The following FBXW11 variants were observed in gnomAD, a reference collection of about 807,000 sequenced individuals.
The protein encoded by FBXW11 is F-box/WD repeat-containing protein 11.
A neutral mutation model predicts 77.6 loss-of-function variants in FBXW11; 19 were observed. The observed-to-expected ratio is 0.24, with a 90% CI of 0.17 to 0.36. FBXW11 has a LOEUF of 0.36. FBXW11 is among the 10% of genes least tolerant of loss of function. The probability of loss-of-function intolerance (pLI) is 1.00; values close to 1 mark genes in which losing one functional copy is unlikely to be tolerated. For synonymous variants in FBXW11, 235 were observed against 249.4 expected (o/e 0.94, Z 0.54); for missense variants, 334 against 704.2 (o/e 0.47, Z 5.95).
rs866120001 is a variant in FBXW11 at position 171,868,758 on chromosome 5, C to T, written c.1569G>A (p.Glu523=). The change falls in exon 13 of 14, where the codon GAG becomes GAA. Residue 523 remains glutamate (E), a synonymous_variant. Transcript: ENST00000517395. ...SGRVFRLQFD[E]FQIISSSHDD... ...CATGGGAGCTGCTGATGATCTGAAACTCATCAAACTGGAGCCGAAACACAC... is the reference window on the plus strand; with the variant it reads ...CATGGGAGCTGCTGATGATCTGAAATTCATCAAACTGGAGCCGAAACACAC... The T allele has an allele frequency of 6.2e-7, 1 of 1,613,786 alleles. No individual in the cohort carries two copies. The highest frequency in any genetic ancestry group is 1.6e-4 in the Middle Eastern group (1 of 6,062).
intron 7 of FBXW11, among the ~76,000 whole-genome samples, chr5:171,880,862 A>AT (rs1462432315): frequency 4.6e-5 from 7 of 152,030 alleles, no homozygotes. Flanking sequence ...CACCCGGCTA[A>AT]TTTTTGTATT....
chr5:171,898,807 T>C (rs1272458397), intron 6 of FBXW11, among the ~76,000 whole-genome samples, 197 bp downstream of exon 6: 1 of 152,220 alleles, frequency 6.6e-6, no homozygotes, highest in Admixed American at 6.6e-5. Context: ...AAGTTAGATA[T>C]TCTTTGCAAA....
At chr5:171,933,418 T>C (rs531924572) in intron 2 of FBXW11, among the ~76,000 whole-genome samples, 1 of 152,306 alleles carries the variant, frequency 6.6e-6, no homozygotes, top group African/African-American at 2.4e-5. Context: ...GATACTGCAA[T>C]GATGGAAACA....
In FBXW11 at chr5:171,946,805, C is replaced by CTT. The variant is rs70982356; in HGVS notation, c.147+10790_147+10791dup. On this transcript the variant is annotated intron_variant, in intron 2 of 13. Transcript: ENST00000517395. Reference sequence around the variant, plus strand: ...ACTATCTAACATCCTGTGTACTTTACTTTTTTTTTTTTTTTTTTTTTTTTT... The same window carrying CTT: ...ACTATCTAACATCCTGTGTACTTTACTTTTTTTTTTTTTTTTTTTTTTTTTTT... Among the ~76,000 whole-genome samples, 3 of 58,622 alleles carry CTT rather than the reference C, an allele frequency of 5.1e-5. 1 individual carries two copies. Among genetic ancestry groups the CTT allele is most frequent in the African/African-American group, 1.6e-4 (2 of 12,748 alleles). 38.5% of individuals were successfully genotyped at this position (58,622 alleles called of 152,430 possible). A position where few individuals can be genotyped will look rare whatever the true frequency, so the allele number is the denominator to read the frequency against.
At position 171,952,447 on chromosome 5, in the gene FBXW11, A is replaced by AT. The variant is rs1164383563; in HGVS notation, c.147+5149dup. ...CATATATATATATATATATATATATATTTTTTTTTTTTTTTTTTTTTTTGA... is the reference window on the plus strand; with the variant it reads ...CATATATATATATATATATATATATATTTTTTTTTTTTTTTTTTTTTTTTGA... On this transcript the variant is annotated intron_variant, in intron 2 of 13. Coordinates refer to ENST00000517395, the MANE Select transcript of FBXW11 (RefSeq NM_001378974.1). 3.7e-3 allele frequency among the ~76,000 whole-genome samples: 26 copies of AT among 6,948 alleles called. 1 individual carries two copies. The highest frequency in any genetic ancestry group is 6.0e-3 in the Non-Finnish European group (19 of 3,154). 4.6% of individuals were successfully genotyped at this position (6,948 alleles called of 152,430 possible).
intron 2 of FBXW11, among the ~76,000 whole-genome samples, chr5:171,934,177 T>C (rs926192859): frequency 6.6e-5 from 10 of 152,184 alleles, no homozygotes; most frequent in African/African-American, 2.4e-4. Context: ...CAAACTGATT[T>C]AAATATGATC....
At chr5:171,968,332 C>G (rs940925405) in intron 1 of FBXW11, among the ~76,000 whole-genome samples, 11 of 152,016 alleles carry the variant, frequency 7.2e-5, no homozygotes, top group African/African-American at 2.7e-4. Context: ...GTGGCAGGCA[C>G]CTGCAGTCCC....
intron 2 of FBXW11, among the ~76,000 whole-genome samples, chr5:171,925,946 C>G (rs923509002): frequency 9.9e-5 from 15 of 152,162 alleles, no homozygotes; most frequent in Admixed American, 9.2e-4. Flanking sequence ...AAGGCCTAAA[C>G]TATTTTAAGT....
At chr5:171,947,282 A>G (rs1372469445) in intron 2 of FBXW11, among the ~76,000 whole-genome samples, 1 of 152,120 alleles carries the variant, frequency 6.6e-6, no homozygotes, top group South Asian at 2.1e-4. Context: ...CTGATTTTTA[A>G]TTTACTCTTT....
chr5:171,990,807 G>T (rs1237462557), intron 1 of FBXW11, among the ~76,000 whole-genome samples: 1 of 152,060 alleles, frequency 6.6e-6, no homozygotes, highest in Non-Finnish European at 1.5e-5. Flanking sequence ...GAAGGAATGA[G>T]AAACTTTTTT....
intron 4 of FBXW11, among the ~76,000 whole-genome samples, chr5:171,909,074 CTA>C (rs1487041602): frequency 2.0e-5 from 3 of 152,170 alleles, no homozygotes; most frequent in Non-Finnish European, 4.4e-5. Context: ...AGTGAAATCT[CTA>C]TATCTTACCT....
intron 4 of FBXW11, among the ~76,000 whole-genome samples, chr5:171,903,764 G>T (rs1447443114): frequency 2.0e-5 from 3 of 151,820 alleles, no homozygotes; most frequent in Non-Finnish European, 2.9e-5. Flanking sequence ...TCCTGCCTCA[G>T]CCTCCCTAGT....
rs551362319 is a variant in FBXW11 at position 171,890,813 on chromosome 5, A to G, written c.852+654T>C. On this transcript the variant is annotated intron_variant, in intron 7 of 13. Transcript: ENST00000517395. ...GCAGGACAAGGGAATTGGGGGAATG[A>G]GAGAGCTGCTCCATATCGTGATTTT... 9.2e-5 allele frequency among the ~76,000 whole-genome samples: 14 copies of G among 152,342 alleles called. No homozygotes were observed. The South Asian group carries it at 2.7e-3, about 29-fold the overall frequency.
chr5:171,926,098 A>T (rs1435531556), intron 2 of FBXW11, among the ~76,000 whole-genome samples: 3 of 152,200 alleles, frequency 2.0e-5, no homozygotes, highest in African/African-American at 7.2e-5. Context: ...TCCTACCTAA[A>T]TTTTCCTTAA....
In FBXW11 at chr5:171,972,550, CT is replaced by C. The variant is rs1192771354; in HGVS notation, c.46-14853del. On this transcript the variant is annotated intron_variant, in intron 1 of 13. Coordinates refer to ENST00000517395, the MANE Select transcript of FBXW11 (RefSeq NM_001378974.1). ...AAAAGTTAAAACTATAGGACTAAAA[CT>C]TTTTTTTTTTTGAGACAGAGCCTCA... Among the ~76,000 whole-genome samples, 350 of 105,086 alleles carry C rather than the reference CT, an allele frequency of 3.3e-3. 3 individuals are homozygous for C. Among genetic ancestry groups the C allele is most frequent in the African/African-American group, 9.7e-3 (290 of 29,950 alleles). 68.9% of individuals were successfully genotyped at this position (105,086 alleles called of 152,430 possible).
chr5:171,980,091 G>A (rs1033309507), intron 1 of FBXW11, among the ~76,000 whole-genome samples: 1 of 152,336 alleles, frequency 6.6e-6, no homozygotes, highest in East Asian at 1.9e-4. Context: ...GTATAAGCAT[G>A]CCAGGGCAAA....
At chr5:171,990,087 A>AAAAG (rs933680336) in intron 1 of FBXW11, among the ~76,000 whole-genome samples, 1 of 152,010 alleles carries the variant, frequency 6.6e-6, no homozygotes, top group African/African-American at 2.4e-5. Context: ...GGGAGGAAGG[A>AAAAG]AAAGACAGAG....
At chr5:171,949,172 T>C (rs137976037) in intron 2 of FBXW11, among the ~76,000 whole-genome samples, 1 of 152,220 alleles carries the variant, frequency 6.6e-6, no homozygotes, top group East Asian at 1.9e-4. Flanking sequence ...CATGATACAG[T>C]TGTGGATGAT....
At position 171,964,516 on chromosome 5, in the gene FBXW11, A is replaced by G. The variant is rs192981323; in HGVS notation, c.46-6818T>C. ...GACTGCCAAATAAACTAAGCATTAA[A>G]GTTAACCCAACTTAGGAATTATCCT... is the stretch of plus-strand genomic sequence containing the variant. On this transcript the variant is annotated intron_variant, in intron 1 of 13. Coordinates refer to ENST00000517395, the MANE Select transcript of FBXW11 (RefSeq NM_001378974.1). Among the ~76,000 whole-genome samples, 60 of 152,374 alleles carry G rather than the reference A, an allele frequency of 3.9e-4. No homozygotes were observed. In the East Asian group the frequency reaches 9.2e-3, roughly 23 times the overall value.
Sources: gnomAD v4.1 joint callset for allele counts (sites outside exome capture counted in the v4.1 genomes callset) on GRCh38, gnomAD v4.1.1 for gene constraint, MANE v1.5 for transcripts, NCBI Gene and HGNC (gene_info 2026-07-23, HGNC 2026-07-21) for gene names.